Variants in ROBO1 observed in about 807,000 individuals in gnomAD.
The protein encoded by ROBO1 is roundabout homolog 1.
ROBO1 carries 149 observed loss-of-function variants against 195.9 expected under a neutral mutation model. The observed-to-expected ratio is 0.76, with a 90% CI of 0.67 to 0.87. The LOEUF is 0.87. ROBO1 is among the 40% of genes least tolerant of loss of function. The pLI, the probability that ROBO1 is intolerant of heterozygous loss-of-function variation, is 0.00. For missense variants in ROBO1, 1,933 were observed against 2,068.3 expected (o/e 0.93, Z 1.27); for synonymous variants, 816 against 733.2 (o/e 1.11, Z -1.82).
At chr3:78,925,948 G>A (rs2039191036) in intron 4 of ROBO1, among the ~76,000 whole-genome samples, 1 of 151,784 alleles carries the variant, frequency 6.6e-6, no homozygotes, top group African/African-American at 2.4e-5. Flanking sequence ...TCAGCTCACT[G>A]CAACCTCCGC....
chr3:78,890,499 G>C (rs539652933), intron 4 of ROBO1, among the ~76,000 whole-genome samples: 1 of 152,164 alleles, frequency 6.6e-6, no homozygotes, highest in African/African-American at 2.4e-5. Context: ...AGTAAACGTT[G>C]GTTGTTTAAG....
In ROBO1 at chr3:78,668,258, A is replaced by C. The variant is rs764526486; in HGVS notation, c.1675T>G (p.Leu559Val). 6.2e-7 allele frequency: 1 copy of C among 1,613,888 alleles called. No homozygotes were observed. The highest frequency in any genetic ancestry group is 1.1e-5 in the South Asian group (1 of 91,086). Residue 559 changes from leucine to valine, a missense_variant, in exon 13 of 31, where the codon TTA becomes GTA. Transcript: ENST00000464233. ...VQPPRPTDPNLIPSAPSKPEV... is the reference protein window; with the variant it reads ...VQPPRPTDPNVIPSAPSKPEV... ...GGTTTTGATGGGGCACTAGGGATTA[A>C]ATTTGGGTCAGTAGGTCTTGGAGGC...
In ROBO1 at chr3:78,678,148, C is replaced by A. The variant is rs550327346; in HGVS notation, c.1342+7598G>T. Among the ~76,000 whole-genome samples the A allele has an allele frequency of 5.0e-3, 764 of 152,012 alleles. 6 individuals carry two copies. The highest frequency in any genetic ancestry group is 0.017 in the African/African-American group (715 of 41,404). On this transcript the variant is annotated intron_variant, in intron 10 of 30. Coordinates refer to ENST00000464233, the MANE Select transcript of ROBO1 (RefSeq NM_002941.4). ...CAATGAGAACAAAGACACAACATAC[C>A]AGAATCTCTGGGACACATTCAAAGC...
In ROBO1 at chr3:79,220,538, C is replaced by T. The variant is rs373729951; in HGVS notation, c.89-94999G>A. On this transcript the variant is annotated intron_variant, in intron 2 of 30. Coordinates refer to ENST00000464233, the MANE Select transcript of ROBO1 (RefSeq NM_002941.4). ...CTCATACAGCATAAAGAGATGAAGT[C>T]AATGTCACAGTGTGTGGAATCAGTC... 8.6e-5 allele frequency among the ~76,000 whole-genome samples: 13 copies of T among 151,986 alleles called. No individual in the cohort carries two copies. In the East Asian group the frequency reaches 1.5e-3, roughly 18 times the overall value.
intron 2 of ROBO1, among the ~76,000 whole-genome samples, chr3:79,350,561 T>C (rs1324067367): frequency 6.6e-6 from 1 of 152,168 alleles, no homozygotes; most frequent in African/African-American, 2.4e-5. Context: ...AACTGATGAA[T>C]GGATAAATAA....
intron 1 of ROBO1, among the ~76,000 whole-genome samples, chr3:79,610,482 T>C (rs1944624909): frequency 6.6e-6 from 1 of 151,962 alleles, no homozygotes; most frequent in African/African-American, 2.4e-5. Context: ...CCTGTGATAA[T>C]AAAAATATTT....
intron 1 of ROBO1, among the ~76,000 whole-genome samples, chr3:79,765,308 A>AGGTAT (rs1704924043): frequency 6.6e-6 from 1 of 152,144 alleles, no homozygotes; most frequent in Non-Finnish European, 1.5e-5. Flanking sequence ...CTCATGGGAG[A>AGGTAT]GGTATAGGTC....
Position 78,651,992 on chromosome 3 carries a change from T to C in ROBO1, c.2615-63A>G, listed in dbSNP as rs940075780. On this transcript the variant is annotated intron_variant, in intron 18 of 30. Coordinates refer to ENST00000464233, the MANE Select transcript of ROBO1 (RefSeq NM_002941.4). ...TCAATGCAATAATGCACGCACTCAT[T>C]TGTGGCTGCCATTACTTTGTTAATT... The C allele has an allele frequency of 1.7e-5, 21 of 1,237,388 alleles. No homozygotes were observed. In the African/African-American group the frequency reaches 2.7e-4, roughly 16 times the overall value. The allele number at this position is 1,237,388 out of a possible 1,614,324, so 76.7% of individuals were successfully genotyped here. A position where few individuals can be genotyped will look rare whatever the true frequency, so the allele number is the denominator to read the frequency against.
At chr3:78,760,415 C>G (rs920479031) in intron 4 of ROBO1, among the ~76,000 whole-genome samples, 24 of 151,932 alleles carry the variant, frequency 1.6e-4, no homozygotes, top group Admixed American at 1.2e-3. Context: ...ACCTGTAATC[C>G]CTGCATTTGG....
At chr3:79,574,471 A>G (rs1307873888) in intron 2 of ROBO1, among the ~76,000 whole-genome samples, 3 of 151,962 alleles carry the variant, frequency 2.0e-5, no homozygotes, top group Non-Finnish European at 4.4e-5. Context: ...TTAGTAGTCA[A>G]TCAAAACATA....
intron 4 of ROBO1, among the ~76,000 whole-genome samples, chr3:78,771,402 T>C (rs571807561): frequency 2.6e-4 from 39 of 152,286 alleles, no homozygotes; most frequent in Non-Finnish European, 5.0e-4. Context: ...CCATATGAAT[T>C]TTAGAATAGT....
intron 3 of ROBO1, among the ~76,000 whole-genome samples, chr3:79,026,494 T>C (rs1382430144): frequency 1.3e-5 from 2 of 152,106 alleles, no homozygotes; most frequent in Non-Finnish European, 2.9e-5. Flanking sequence ...TATTTCTATA[T>C]GAAGTAAGAA....
chr3:79,336,176 A>G (rs997506894), intron 2 of ROBO1, among the ~76,000 whole-genome samples: 2 of 152,242 alleles, frequency 1.3e-5, no homozygotes, highest in Non-Finnish European at 2.9e-5. Context: ...GAGAAATTCA[A>G]GCCCACTGCA....
chr3:79,719,264 C>T (rs1220835719), intron 1 of ROBO1, among the ~76,000 whole-genome samples: 4 of 152,004 alleles, frequency 2.6e-5, no homozygotes, highest in Non-Finnish European at 5.9e-5. Flanking sequence ...CCTAAGCAGT[C>T]TAGTATTTTC....
At chr3:79,190,129 C>G (rs1425459586) in intron 2 of ROBO1, among the ~76,000 whole-genome samples, 1 of 151,586 alleles carries the variant, frequency 6.6e-6, no homozygotes, top group Non-Finnish European at 1.5e-5. Flanking sequence ...TATCACACTA[C>G]AAATAATTAT....
chr3:79,260,760 A>T (rs548051846), intron 2 of ROBO1, among the ~76,000 whole-genome samples: 13 of 152,256 alleles, frequency 8.5e-5, no homozygotes, highest in Admixed American at 8.5e-4. Flanking sequence ...GAAAAGTTTT[A>T]GAGAACTTCT....
intron 4 of ROBO1, among the ~76,000 whole-genome samples, chr3:78,861,827 G>C (rs1030736615): frequency 6.6e-6 from 1 of 152,264 alleles, no homozygotes; most frequent in South Asian, 2.1e-4. Context: ...CAAATAGACT[G>C]TAAGTTTCTT....
At chr3:78,644,304 G>A (rs938211354) in intron 21 of ROBO1, among the ~76,000 whole-genome samples, 14 of 151,974 alleles carry the variant, frequency 9.2e-5, no homozygotes, top group African/African-American at 2.9e-4. Flanking sequence ...TCGCATTTCC[G>A]CCACTATAAT....
At chr3:79,139,456 A>C (rs1331081688) in intron 2 of ROBO1, among the ~76,000 whole-genome samples, 1 of 152,178 alleles carries the variant, frequency 6.6e-6, no homozygotes, top group African/African-American at 2.4e-5. Context: ...ATTATGCATC[A>C]GTATGACACA....
Sources: gnomAD v4.1 joint callset for allele counts (sites outside exome capture counted in the v4.1 genomes callset) on GRCh38, gnomAD v4.1.1 for gene constraint, MANE v1.5 for transcripts, NCBI Gene and HGNC (gene_info 2026-07-23, HGNC 2026-07-21) for gene names.